Variants in MS4A4E observed in about 807,000 individuals in gnomAD.
MS4A4E encodes membrane spanning 4-domains A4E.
In MS4A4E, 23 loss-of-function variants were observed where a neutral mutation model predicts 13.3. That is an observed-to-expected ratio of 1.73 (90% confidence interval 1.25 to 2.45). The LOEUF is 2.45. Among genes scored for constraint, MS4A4E ranks in the 30% most tolerant of loss-of-function variants. MS4A4E has a pLI of 0.00. For missense variants in MS4A4E, 144 were observed against 131.2 expected, an observed-to-expected ratio of 1.10 and a Z score of -0.48; for synonymous variants, 36 against 45.6, an observed-to-expected ratio of 0.79 and a Z score of 0.85.
chr11:60,232,686 C>T (rs1256168722), intron 1 of MS4A4E, among the ~76,000 whole-genome samples: 5 of 152,158 alleles, frequency 3.3e-5, no homozygotes, highest in Non-Finnish European at 5.9e-5. Context: ...ACACTGTGCC[C>T]TGGCCCCCAT....
At chr11:60,242,154 G>T (rs1474889157) in intron 1 of MS4A4E, among the ~76,000 whole-genome samples, 1 of 152,144 alleles carries the variant, frequency 6.6e-6, no homozygotes, top group Non-Finnish European at 1.5e-5. Context: ...TGGTGGCATG[G>T]GAAGGGAAAA....
chr11:60,203,573 A>G (rs548521509), intron 8 of MS4A4E, among the ~76,000 whole-genome samples: 12 of 152,186 alleles, frequency 7.9e-5, no homozygotes, highest in African/African-American at 2.6e-4. Context: ...ACATGGCGAA[A>G]CCTTGTCTCT....
At chr11:60,238,334 A>G (rs2084509670) in intron 1 of MS4A4E, among the ~76,000 whole-genome samples, 1 of 151,716 alleles carries the variant, frequency 6.6e-6, no homozygotes, top group Admixed American at 6.6e-5. Flanking sequence ...TCCTCATTTA[A>G]TCTCTTATTA....
At chr11:60,225,501 G>C (rs868231959) in intron 3 of MS4A4E, among the ~76,000 whole-genome samples, 2 of 152,136 alleles carry the variant, frequency 1.3e-5, no homozygotes, top group South Asian at 4.1e-4. Flanking sequence ...AAAAAGAAGA[G>C]CAAATCTGAT....
At chr11:60,202,829 G>A (rs2084002803) in intron 8 of MS4A4E, among the ~76,000 whole-genome samples, 1 of 152,154 alleles carries the variant, frequency 6.6e-6, no homozygotes, top group Non-Finnish European at 1.5e-5. Flanking sequence ...ATTGACAGTG[G>A]AAAACTGTAC....
chr11:60,225,097 G>C (rs756936666), intron 3 of MS4A4E: 2 of 1,521,840 alleles, frequency 1.3e-6, no homozygotes, highest in South Asian at 1.2e-5. Flanking sequence ...GCACAACCTA[G>C]AAATGATGAA....
At chr11:60,206,351 C>T (rs2084041669) in intron 6 of MS4A4E, among the ~76,000 whole-genome samples, 1 of 150,490 alleles carries the variant, frequency 6.6e-6, no homozygotes, top group Non-Finnish European at 1.5e-5. Context: ...AGTGCTGCTG[C>T]CTCATTAAAT....
chr11:60,229,923 T>TGGGTATCCTCTTGAAGAACTTC lies in MS4A4E; in HGVS notation c.132_133insGAAGTTCTTCAAGAGGATACCC (p.Lys45GlufsTer17). ...TGCAATTGACTTACCCCAAGGACTT[T>TGGGTATCCTCTTGAAGAACTTC]GGGTTTCCTCTTGAAGAACTTCTCT... On this transcript the variant is annotated frameshift_variant, in exon 2 of 9. Coordinates refer to ENST00000651255, the MANE Select transcript of MS4A4E (RefSeq NM_001393391.1). LOFTEE classifies it high-confidence loss of function. The TGGGTATCCTCTTGAAGAACTTC allele has an allele frequency of 6.2e-7, 1 of 1,606,930 alleles. No homozygotes were observed.
intron 8 of MS4A4E, among the ~76,000 whole-genome samples, chr11:60,202,669 GC>G (rs910886876): frequency 6.6e-6 from 1 of 152,132 alleles, no homozygotes; most frequent in Admixed American, 6.5e-5. Context: ...TCATATGCAT[GC>G]CCAGCTGATT....
intron 3 of MS4A4E, among the ~76,000 whole-genome samples, chr11:60,219,298 T>C (rs1170950849): frequency 6.6e-6 from 1 of 152,144 alleles, no homozygotes; most frequent in Non-Finnish European, 1.5e-5. Flanking sequence ...ATAAAAATAA[T>C]TGGATCTAGA....
intron 1 of MS4A4E, among the ~76,000 whole-genome samples, chr11:60,236,822 C>T (rs2084489579): frequency 1.3e-5 from 2 of 151,710 alleles, no homozygotes; most frequent in Admixed American, 1.3e-4. Context: ...CTACAACCTC[C>T]GCCTCCAGGG....
intron 4 of MS4A4E, among the ~76,000 whole-genome samples, chr11:60,214,026 T>C (rs2084159150): frequency 6.6e-6 from 1 of 152,036 alleles, no homozygotes; most frequent in African/African-American, 2.4e-5. Flanking sequence ...TGCCTCAGCC[T>C]CCTGAGTAGC....
At chr11:60,241,333 A>G (rs1009385890) in intron 1 of MS4A4E, among the ~76,000 whole-genome samples, 1 of 152,128 alleles carries the variant, frequency 6.6e-6, no homozygotes, top group Non-Finnish European at 1.5e-5. Context: ...CTATTCTTTA[A>G]TGTAAGGGAA....
rs1053941908 is a variant in MS4A4E, at chr11:60,200,443, C to G, written c.*1100G>C. ...CTAGGCAGAGGACCCTGCGGCCTTC[C>G]GAGGTGTTTGTGTCCCTGGGTACTT... On this transcript the variant is annotated 3_prime_UTR_variant, in exon 9 of 9. Coordinates refer to ENST00000651255, the MANE Select transcript of MS4A4E (RefSeq NM_001393391.1). 2.6e-5 allele frequency among the ~76,000 whole-genome samples: 4 copies of G among 152,114 alleles called. No homozygotes were observed. The highest frequency in any genetic ancestry group is 9.6e-5 in the African/African-American group (4 of 41,488).
intron 1 of MS4A4E, among the ~76,000 whole-genome samples, chr11:60,230,685 A>T (rs1252840645): frequency 6.6e-6 from 1 of 152,344 alleles, no homozygotes; most frequent in East Asian, 1.9e-4. Context: ...TTGCTGGTGC[A>T]TAGCAAGAAT....
chr11:60,204,226 G>C (rs908354356), intron 8 of MS4A4E, among the ~76,000 whole-genome samples: 4 of 152,174 alleles, frequency 2.6e-5, no homozygotes, highest in African/African-American at 9.7e-5. Context: ...TTATGAGTTA[G>C]AGAGGAAGCC....
intron 8 of MS4A4E, among the ~76,000 whole-genome samples, chr11:60,203,766 A>G (rs746408406): frequency 6.6e-6 from 1 of 152,194 alleles, no homozygotes; most frequent in Non-Finnish European, 1.5e-5. Flanking sequence ...AGATAAATAA[A>G]TAAAAAGAAT....
At chr11:60,219,685 A>G (rs534110361) in intron 3 of MS4A4E, among the ~76,000 whole-genome samples, 4 of 152,312 alleles carry the variant, frequency 2.6e-5, no homozygotes, top group African/African-American at 7.2e-5. Context: ...TATGTTGTTA[A>G]TCTTTCTCCC....
At chr11:60,216,365 A>G (rs570406530) in intron 3 of MS4A4E, among the ~76,000 whole-genome samples, 1 of 152,220 alleles carries the variant, frequency 6.6e-6, no homozygotes, top group East Asian at 1.9e-4. Flanking sequence ...AGTTACATGT[A>G]TGTGATTCTG....
Sources: gnomAD v4.1 joint callset for allele counts (sites outside exome capture counted in the v4.1 genomes callset) on GRCh38, gnomAD v4.1.1 for gene constraint, MANE v1.5 for transcripts, NCBI Gene and HGNC (gene_info 2026-07-23, HGNC 2026-07-21) for gene names.